TXLNB: variants seen among roughly 807,000 people sequenced by gnomAD.
TXLNB encodes beta-taxilin.
A neutral mutation model predicts 57.4 loss-of-function variants in TXLNB; 37 were observed. The ratio of observed to expected loss-of-function variants is 0.64; its 90% CI spans 0.50 to 0.85. The LOEUF (loss-of-function observed/expected upper bound fraction) is 0.85, where lower values mean the gene tolerates loss of function less well. Ranked by LOEUF, TXLNB falls within the 40% of genes least tolerant of loss-of-function variation. The pLI, the probability that TXLNB is intolerant of heterozygous loss-of-function variation, is 0.00. For synonymous variants in TXLNB, 302 were observed against 309.6 expected, an observed-to-expected ratio of 0.98 and a Z score of 0.26; for missense variants, 848 against 825.6, an observed-to-expected ratio of 1.03 and a Z score of -0.33.
the TXLNB span, among the ~76,000 whole-genome samples, chr6:139,191,243 AC>A: frequency 3.3e-5 from 5 of 152,024 alleles, no homozygotes; most frequent in African/African-American, 1.2e-4. Flanking sequence ...ACATGGAGAA[AC>A]CCCATCTCTA....
At chr6:139,244,029 G>A (rs1776013727) in intron 9 of TXLNB, among the ~76,000 whole-genome samples, 1 of 151,952 alleles carries the variant, frequency 6.6e-6, no homozygotes, top group Admixed American at 6.6e-5. Context: ...ACCTTCACCT[G>A]TAAGCCCTAC....
the TXLNB span, among the ~76,000 whole-genome samples, chr6:139,173,750 G>T: frequency 6.6e-6 from 1 of 152,166 alleles, no homozygotes; most frequent in Non-Finnish European, 1.5e-5. Context: ...AATAATGGAG[G>T]GGGATCATGT....
chr6:139,273,045 AAAAAAG>A (rs1776806265), intron 3 of TXLNB, among the ~76,000 whole-genome samples: 1 of 152,196 alleles, frequency 6.6e-6, no homozygotes, highest in Non-Finnish European at 1.5e-5. Flanking sequence ...AAAAAAAAAG[AAAAAAG>A]AAAAAGAAAA....
At chr6:139,265,123 T>C (rs1019167087) in intron 4 of TXLNB, among the ~76,000 whole-genome samples, 1 of 152,220 alleles carries the variant, frequency 6.6e-6, no homozygotes, top group African/African-American at 2.4e-5. Flanking sequence ...TCAGTAAATG[T>C]TTATTTAATG....
chr6:139,183,552 A>G, the TXLNB span: 1 of 152,248 alleles, frequency 6.6e-6, no homozygotes, highest in Non-Finnish European at 1.5e-5. Flanking sequence ...TGGGGGGCCT[A>G]TATGAATGGC....
chr6:139,292,063 TACAC>T (rs1562292459), upstream of TXLNB: 34 of 131,506 alleles, frequency 2.6e-4, no homozygotes, highest in African/African-American at 1.1e-3. This position sits in a 1 kb window ranked among gnomAD's most constrained non-coding sequence, Gnocchi z 4.0. Context: ...CACACACACA[TACAC>T]ACGTGCACGC....
chr6:139,177,203 A>G, the TXLNB span: 2 of 647,008 alleles, frequency 3.1e-6, no homozygotes, highest in South Asian at 4.2e-5. The surrounding 1 kb of genome is among the most constrained non-coding windows in gnomAD (Gnocchi z 4.9). Context: ...TTCCTTTCTA[A>G]TTTAAAGGAG....
intron 5 of TXLNB, 97 bp downstream of exon 5, chr6:139,262,482 G>C: frequency 9.2e-7 from 1 of 1,082,532 alleles, no homozygotes; most frequent in African/African-American, 1.6e-5. Flanking sequence ...AATCAGTTGA[G>C]AGGGCTGGCT....
the TXLNB span, chr6:139,166,632 C>T: frequency 3.7e-6 from 6 of 1,614,214 alleles, no homozygotes; most frequent in Non-Finnish European, 4.2e-6. Context: ...AAGTCTGGCT[C>T]CGAGAAGAAC....
At chr6:139,259,231 A>G (rs940532691) in intron 6 of TXLNB, among the ~76,000 whole-genome samples, 2 of 152,132 alleles carry the variant, frequency 1.3e-5, no homozygotes, top group African/African-American at 2.4e-5. Flanking sequence ...AGCCAAATTA[A>G]TCTTAGAAAA....
the TXLNB span, chr6:139,174,389 A>G: frequency 6.2e-7 from 1 of 1,612,330 alleles, no homozygotes; most frequent in Non-Finnish European, 8.5e-7. Flanking sequence ...GCACAGGGAG[A>G]CTCATGCATC....
At chr6:139,267,892 C>T (rs1161718210) in intron 4 of TXLNB, among the ~76,000 whole-genome samples, 3 of 152,114 alleles carry the variant, frequency 2.0e-5, no homozygotes, top group Admixed American at 1.3e-4. Context: ...GTGGCTCACA[C>T]CTGTAATCCC....
the TXLNB span, among the ~76,000 whole-genome samples, chr6:139,184,886 C>CT: frequency 5.6e-4 from 86 of 152,304 alleles, no homozygotes; most frequent in African/African-American, 2.1e-3. Context: ...ACATGTTTCT[C>CT]TTAAGGAATG....
the TXLNB span, among the ~76,000 whole-genome samples, chr6:139,175,903 C>A: frequency 2.0e-5 from 3 of 152,110 alleles, no homozygotes; most frequent in Non-Finnish European, 4.4e-5. Flanking sequence ...TTCTGGCCCC[C>A]TACTGAAATG....
chr6:139,180,282 A>T, the TXLNB span: 1 of 152,500 alleles, frequency 6.6e-6, no homozygotes, highest in Non-Finnish European at 1.5e-5. Flanking sequence ...AAACTAACAG[A>T]TAAGACAGAT....
chr6:139,247,971 C>T (rs1441538314), intron 7 of TXLNB, 62 bp from the exon 8 acceptor site: 3 of 1,011,680 alleles, frequency 3.0e-6, no homozygotes, highest in Admixed American at 2.3e-5. Flanking sequence ...TGTCATTGTT[C>T]ATTATTTAAA....
intron 4 of TXLNB, among the ~76,000 whole-genome samples, chr6:139,269,376 C>G (rs1356686701): frequency 1.3e-5 from 2 of 152,202 alleles, no homozygotes; most frequent in Non-Finnish European, 2.9e-5. Context: ...TTTATGCATC[C>G]TTTGAATCCA....
chr6:139,196,555 T>C, the TXLNB span, among the ~76,000 whole-genome samples: 1 of 151,294 alleles, frequency 6.6e-6, no homozygotes, highest in Non-Finnish European at 1.5e-5. Context: ...TTTGTATTTT[T>C]AGTAGAGATG....
chr6:139,295,284 A>G (rs1033997894), upstream of TXLNB, among the ~76,000 whole-genome samples: 1 of 152,236 alleles, frequency 6.6e-6, no homozygotes, highest in Admixed American at 6.5e-5. Context: ...GGGGCCCAAA[A>G]AACTGGGATA....
Sources: gnomAD v4.1 joint callset for allele counts (sites outside exome capture counted in the v4.1 genomes callset) on GRCh38, gnomAD v4.1.1 for gene constraint, Gnocchi (gnomAD v3.1) non-coding constraint, MANE v1.5 for transcripts, NCBI Gene and HGNC (gene_info 2026-07-23, HGNC 2026-07-21) for gene names.